The following NLGN1 variants were observed in gnomAD, a reference collection of about 807,000 sequenced individuals.
The protein encoded by NLGN1 is neuroligin-1.
NLGN1 carries 12 observed loss-of-function variants against 65.5 expected under a neutral mutation model. That is an observed-to-expected ratio of 0.18 (90% CI 0.12 to 0.30). The LOEUF is 0.30. NLGN1 is among the 10% of genes least tolerant of loss of function. The pLI is 1.00. For missense variants in NLGN1, 750 were observed against 1,007.1 expected (o/e 0.74, Z 3.46); for synonymous variants, 350 against 359.5 (o/e 0.97, Z 0.30).
chr3:173,733,577 G>A (rs1003220049), intron 3 of NLGN1, among the ~76,000 whole-genome samples: 3 of 152,100 alleles, frequency 2.0e-5, no homozygotes, highest in Non-Finnish European at 2.9e-5. Context: ...TTGCCTGCAA[G>A]TGTACCACTT....
At chr3:173,631,279 G>C (rs549530379) in intron 3 of NLGN1, among the ~76,000 whole-genome samples, 1 of 152,246 alleles carries the variant, frequency 6.6e-6, no homozygotes, top group African/African-American at 2.4e-5. Flanking sequence ...GCAAAAGATT[G>C]TTAACACTAT....
intron 4 of NLGN1, among the ~76,000 whole-genome samples, chr3:173,995,715 C>A (rs1428469134): frequency 7.3e-6 from 1 of 137,652 alleles, no homozygotes. Context: ...GAGACAGGAT[C>A]TCACTCTGTT....
At chr3:173,734,774 A>G (rs1773468559) in intron 3 of NLGN1, among the ~76,000 whole-genome samples, 1 of 151,886 alleles carries the variant, frequency 6.6e-6, no homozygotes, top group African/African-American at 2.4e-5. Flanking sequence ...TTTTTCTTCT[A>G]TTTTTCCTCA....
intron 2 of NLGN1, among the ~76,000 whole-genome samples, chr3:173,502,186 G>A (rs1731243657): frequency 6.6e-6 from 1 of 151,980 alleles, no homozygotes; most frequent in Admixed American, 6.6e-5. Context: ...TATCAAGAGT[G>A]GATATTCTAT....
chr3:173,925,090 T>A (rs1190711724), intron 4 of NLGN1, among the ~76,000 whole-genome samples: 1 of 152,138 alleles, frequency 6.6e-6, no homozygotes, highest in Non-Finnish European at 1.5e-5. Context: ...GGATCAAACC[T>A]ATTTTTTTCT....
intron 4 of NLGN1, among the ~76,000 whole-genome samples, chr3:174,081,191 G>T (rs1338870974): frequency 6.6e-6 from 1 of 151,960 alleles, no homozygotes; most frequent in Non-Finnish European, 1.5e-5. Context: ...GCTCCATGTT[G>T]GTGTGCATTG....
chr3:173,855,876 C>T (rs970720960), intron 4 of NLGN1, among the ~76,000 whole-genome samples: 1 of 152,104 alleles, frequency 6.6e-6, no homozygotes, highest in Admixed American at 6.6e-5. Context: ...AGTTGGGGAT[C>T]ATACACTACC....
At chr3:174,083,274 CTG>C (rs1337549060) in intron 4 of NLGN1, among the ~76,000 whole-genome samples, 2 of 152,084 alleles carry the variant, frequency 1.3e-5, no homozygotes, top group East Asian at 3.9e-4. Context: ...TAGCTCAACT[CTG>C]TGTAGCTCCA....
chr3:173,455,474 C>G (rs77457211), intron 2 of NLGN1, among the ~76,000 whole-genome samples: 266 of 152,154 alleles, frequency 1.7e-3, no homozygotes, highest in African/African-American at 6.3e-3. Context: ...ATATCCAAAC[C>G]ATATCAATCA....
At chr3:173,423,889 C>T (rs1434557952) in intron 1 of NLGN1, among the ~76,000 whole-genome samples, 1 of 152,200 alleles carries the variant, frequency 6.6e-6, no homozygotes, top group Non-Finnish European at 1.5e-5. Context: ...CCCACATTTC[C>T]CTTCCGCACT....
intron 2 of NLGN1, among the ~76,000 whole-genome samples, chr3:173,602,616 A>G (rs1750726549): frequency 6.6e-6 from 1 of 152,050 alleles, no homozygotes; most frequent in African/African-American, 2.4e-5. Flanking sequence ...AGTATTTGAT[A>G]TCAGTTGTGC....
At chr3:174,034,181 G>A (rs1200019989) in intron 4 of NLGN1, among the ~76,000 whole-genome samples, 3 of 151,998 alleles carry the variant, frequency 2.0e-5, no homozygotes, top group African/African-American at 7.2e-5. Flanking sequence ...GAAAAAGAGA[G>A]AAAAACCTCA....
intron 4 of NLGN1, among the ~76,000 whole-genome samples, chr3:173,817,097 C>CA (rs1719181663): frequency 6.6e-6 from 1 of 152,122 alleles, no homozygotes; most frequent in Non-Finnish European, 1.5e-5. Context: ...AGGTGTTGAT[C>CA]AGATGTGGTC....
chr3:173,423,545 A>T (rs1306246186), intron 1 of NLGN1, among the ~76,000 whole-genome samples: 1 of 152,154 alleles, frequency 6.6e-6, no homozygotes, highest in Non-Finnish European at 1.5e-5. Context: ...TTGACCAAAA[A>T]AAAAGGGGAC....
At chr3:173,701,668 A>G (rs1274040375) in intron 3 of NLGN1, among the ~76,000 whole-genome samples, 2 of 152,210 alleles carry the variant, frequency 1.3e-5, no homozygotes, top group East Asian at 3.9e-4. Context: ...TTTAAATACA[A>G]AACTCTGAGG....
At chr3:174,122,074 C>T (rs1479526541) in intron 4 of NLGN1, among the ~76,000 whole-genome samples, 1 of 152,170 alleles carries the variant, frequency 6.6e-6, no homozygotes, top group Non-Finnish European at 1.5e-5. Context: ...GAAATTCCTT[C>T]TCCTTTGGAC....
intron 4 of NLGN1, among the ~76,000 whole-genome samples, chr3:173,922,594 A>G (rs1742257137): frequency 6.6e-6 from 1 of 152,074 alleles, no homozygotes; most frequent in Non-Finnish European, 1.5e-5. Context: ...CAAGCTGGTT[A>G]TTTATATTAA....
chr3:173,721,012 G>A (rs548686684), intron 3 of NLGN1, among the ~76,000 whole-genome samples: 1 of 152,306 alleles, frequency 6.6e-6, no homozygotes, highest in African/African-American at 2.4e-5. Context: ...CTTTTAGGCA[G>A]AAAGATCAGC....
At chr3:173,486,002 T>C (rs919878615) in intron 2 of NLGN1, among the ~76,000 whole-genome samples, 1 of 152,074 alleles carries the variant, frequency 6.6e-6, no homozygotes, top group African/African-American at 2.4e-5. Flanking sequence ...AGTGTAATGT[T>C]GAGTAGTGCT....
Sources: allele counts gnomAD v4.1 joint callset (sites outside exome capture counted in the v4.1 genomes callset), GRCh38; gene constraint gnomAD v4.1.1; transcripts MANE v1.5; gene names NCBI Gene and HGNC (gene_info 2026-07-23, HGNC 2026-07-21).